The following MLLT3 variants were observed in gnomAD, a reference collection of about 807,000 sequenced individuals.
The protein encoded by MLLT3 is MLLT3 super elongation complex subunit.
Under a neutral mutation model 53.2 loss-of-function variants are expected in MLLT3, and 4 were observed. The ratio of observed to expected loss-of-function variants is 0.08; its 90% CI spans 0.04 to 0.17. The LOEUF is 0.17. MLLT3 is among the 10% of genes least tolerant of loss of function. The pLI is 1.00. For missense variants in MLLT3, 569 were observed against 684.0 expected (o/e 0.83, Z 1.87); for synonymous variants, 283 against 230.6 (o/e 1.23, Z -2.06).
chr9:20,581,224 G>A (rs1054793719), intron 2 of MLLT3, among the ~76,000 whole-genome samples: 1 of 152,190 alleles, frequency 6.6e-6, no homozygotes, highest in Non-Finnish European at 1.5e-5. Flanking sequence ...TGATACACAG[G>A]TGAGAGTGGT....
intron 2 of MLLT3, among the ~76,000 whole-genome samples, chr9:20,531,218 C>A (rs1376912597): frequency 6.6e-6 from 1 of 151,082 alleles, no homozygotes; most frequent in Admixed American, 6.6e-5. Context: ...TCACTGCAAC[C>A]TCTACCTTCC....
At position 20,621,708 on chromosome 9, in the gene MLLT3, G is replaced by T. The variant is rs1043429028; in HGVS notation, c.12+537C>A. Reference sequence around the variant, plus strand: ...CCTCCCGGCGCTGGGGCAAAGTTGCGTGCGGCCCCGCCGCTGTCAGCCCCG... The same window carrying T: ...CCTCCCGGCGCTGGGGCAAAGTTGCTTGCGGCCCCGCCGCTGTCAGCCCCG... On this transcript the variant is annotated intron_variant, in intron 1 of 10. Transcript: ENST00000380338. This position sits in a 1 kb window ranked among gnomAD's most constrained non-coding sequence, Gnocchi z 7.0. 5.5e-6 allele frequency: 8 copies of T among 1,458,690 alleles called. No homozygotes were observed. The African/African-American group carries it at 7.4e-5, about 13-fold the overall frequency. The allele number at this position is 1,458,690 out of a possible 1,614,324, so 90.4% of individuals were successfully genotyped here. A position where few individuals can be genotyped will look rare whatever the true frequency, so the allele number is the denominator to read the frequency against.
intron 2 of MLLT3, among the ~76,000 whole-genome samples, chr9:20,457,238 CTT>C (rs769037689): frequency 0.039 from 2,490 of 63,658 alleles, 76 homozygotes; most frequent in African/African-American, 0.14. Flanking sequence ...ACAAGGACAT[CTT>C]TTTTTTTTTT....
rs1820087080 is a variant in MLLT3 at position 20,590,024 on chromosome 9, G to T, written c.193+30630C>A. Among the ~76,000 whole-genome samples, 3 of 152,140 alleles carry T rather than the reference G, an allele frequency of 2.0e-5. No homozygotes were observed. The South Asian group carries it at 6.2e-4, about 32-fold the overall frequency. Reference sequence around the variant, plus strand: ...GGTGATTTGTAAGCAGCCCTCTGTGGAGCTGAGTTACCCGCCAGGAGAAGC... The same window carrying T: ...GGTGATTTGTAAGCAGCCCTCTGTGTAGCTGAGTTACCCGCCAGGAGAAGC... On this transcript the variant is annotated intron_variant, in intron 2 of 10. Coordinates refer to ENST00000380338, the MANE Select transcript of MLLT3 (RefSeq NM_004529.4).
At chr9:20,452,171 CA>C (rs1201136332) in intron 3 of MLLT3, among the ~76,000 whole-genome samples, 1 of 152,146 alleles carries the variant, frequency 6.6e-6, no homozygotes, top group Non-Finnish European at 1.5e-5. Context: ...AAACTCTGAA[CA>C]ACACTTTTTC....
chr9:20,500,824 T>C (rs367920549), intron 2 of MLLT3, among the ~76,000 whole-genome samples: 1 of 152,190 alleles, frequency 6.6e-6, no homozygotes, highest in Non-Finnish European at 1.5e-5. Context: ...GAGAAACTAA[T>C]AGCAATCTCT....
chr9:20,589,293 A>G (rs1053428148), intron 2 of MLLT3, among the ~76,000 whole-genome samples: 1 of 151,886 alleles, frequency 6.6e-6, no homozygotes, highest in African/African-American at 2.4e-5. Context: ...AGGGACATGG[A>G]GGAAATTGGA....
chr9:20,400,447 G>C (rs1379034404), intron 5 of MLLT3, among the ~76,000 whole-genome samples: 1 of 152,072 alleles, frequency 6.6e-6, no homozygotes, highest in Non-Finnish European at 1.5e-5. Flanking sequence ...CTAGATATTT[G>C]ATGATATTAA....
At chr9:20,514,961 T>C (rs1817868767) in intron 2 of MLLT3, among the ~76,000 whole-genome samples, 1 of 147,368 alleles carries the variant, frequency 6.8e-6, no homozygotes, top group African/African-American at 2.5e-5. Flanking sequence ...TTTTTTTTTT[T>C]TTTGAGACGG....
At chr9:20,580,426 C>T (rs1000704065) in intron 2 of MLLT3, among the ~76,000 whole-genome samples, 3 of 152,126 alleles carry the variant, frequency 2.0e-5, no homozygotes, top group African/African-American at 4.8e-5. Flanking sequence ...CACAGACATG[C>T]TCCAACTTCT....
Position 20,622,476 on chromosome 9 carries a change from A to T in MLLT3, c.-220T>A, listed in dbSNP as rs902775054. 3 of 536,540 alleles carry T rather than the reference A, an allele frequency of 5.6e-6. No individual in the cohort carries two copies. In the African/African-American group the frequency reaches 5.9e-5, roughly 11 times the overall value. 33.2% of individuals were successfully genotyped at this position (536,540 alleles called of 1,614,324 possible). On this transcript the variant is annotated 5_prime_UTR_variant, in exon 1 of 11. Coordinates refer to ENST00000380338, the MANE Select transcript of MLLT3 (RefSeq NM_004529.4). ...AAGCAAAAGCAGCAGCAGCAGCAGC[A>T]GCTCCAGGGTAAAGAAGATGATTGC...
chr9:20,398,876 C>T (rs1283315513), intron 5 of MLLT3, among the ~76,000 whole-genome samples: 2 of 151,962 alleles, frequency 1.3e-5, no homozygotes, highest in South Asian at 4.2e-4. Flanking sequence ...TGGTTTAATA[C>T]CCTTCACGGT....
chr9:20,447,946 T>C (rs1823745124), intron 4 of MLLT3, among the ~76,000 whole-genome samples, 177 bp downstream of exon 4: 1 of 152,184 alleles, frequency 6.6e-6, no homozygotes, highest in Admixed American at 6.6e-5. Flanking sequence ...AAAATATTAT[T>C]GTCTACCTGT....
At chr9:20,559,098 G>A (rs1819135051) in intron 2 of MLLT3, among the ~76,000 whole-genome samples, 1 of 152,118 alleles carries the variant, frequency 6.6e-6, no homozygotes, top group African/African-American at 2.4e-5. Context: ...GGCTTCATGG[G>A]ATATGGTCTC....
At chr9:20,587,026 G>A (rs139185908) in intron 2 of MLLT3, among the ~76,000 whole-genome samples, 2,595 of 152,040 alleles carry the variant, frequency 0.017, 78 homozygotes, top group African/African-American at 0.06. Flanking sequence ...TAGGAGTCAG[G>A]AGAAGCCAGC....
At chr9:20,514,112 A>G (rs1817838190) in intron 2 of MLLT3, among the ~76,000 whole-genome samples, 1 of 152,246 alleles carries the variant, frequency 6.6e-6, no homozygotes, top group Non-Finnish European at 1.5e-5. Context: ...GGAAAGCAAC[A>G]GTCACCATTA....
At chr9:20,557,082 T>C (rs910157936) in intron 2 of MLLT3, among the ~76,000 whole-genome samples, 6 of 152,122 alleles carry the variant, frequency 3.9e-5, no homozygotes, top group Admixed American at 2.0e-4. Context: ...GCACCTGCAG[T>C]TGGAGTCTCA....
At chr9:20,558,178 G>A (rs1183264897) in intron 2 of MLLT3, among the ~76,000 whole-genome samples, 1 of 152,184 alleles carries the variant, frequency 6.6e-6, no homozygotes, top group Non-Finnish European at 1.5e-5. Flanking sequence ...TGATTTCAGC[G>A]ACCACTACAA....
At chr9:20,491,083 T>C (rs761920096) in intron 2 of MLLT3, among the ~76,000 whole-genome samples, 2 of 152,168 alleles carry the variant, frequency 1.3e-5, no homozygotes, top group African/African-American at 2.4e-5. Flanking sequence ...TTTTTTATAA[T>C]GTCCTTAAGT....
Sources: gnomAD v4.1 joint callset for allele counts (sites outside exome capture counted in the v4.1 genomes callset) on GRCh38, gnomAD v4.1.1 for gene constraint, Gnocchi (gnomAD v3.1) non-coding constraint, MANE v1.5 for transcripts, NCBI Gene and HGNC (gene_info 2026-07-23, HGNC 2026-07-21) for gene names.